CAAP1: variants seen among roughly 807,000 people sequenced by gnomAD.
CAAP1 encodes the protein caspase activity and apoptosis inhibitor 1, also known as conserved anti-apoptotic protein.
Under a neutral mutation model 34.0 loss-of-function variants are expected in CAAP1, and 20 were observed. The observed-to-expected ratio is 0.59, with a 90% CI of 0.41 to 0.86. CAAP1 has a LOEUF of 0.86. Ranked by LOEUF, CAAP1 falls within the 40% of genes least tolerant of loss-of-function variation. The probability of loss-of-function intolerance (pLI) is 0.00; values close to 1 mark genes in which losing one functional copy is unlikely to be tolerated. For synonymous variants in CAAP1, 213 were observed against 166.7 expected, an observed-to-expected ratio of 1.28 and a Z score of -2.14; for missense variants, 538 against 450.5, an observed-to-expected ratio of 1.19 and a Z score of -1.76.
chr9:26,885,448 T>C (rs1490409371), intron 3 of CAAP1, among the ~76,000 whole-genome samples: 1 of 152,216 alleles, frequency 6.6e-6, no homozygotes, highest in Non-Finnish European at 1.5e-5. Context: ...ACACACTATG[T>C]ACATATGTAT....
At chr9:26,872,553 A>ATATATATATATATATATATATATAT (rs560375272) in intron 4 of CAAP1, among the ~76,000 whole-genome samples, 20 of 142,554 alleles carry the variant, frequency 1.4e-4, no homozygotes, top group African/African-American at 4.6e-4. Context: ...ATATACATAT[A>ATATATATATATATATATATATATAT]ATATATATAT....
In CAAP1 at chr9:26,868,225, G is replaced by A. The variant is rs1263285052; in HGVS notation, c.666-7086C>T. The stretch of plus-strand genomic sequence containing the variant: ...GTTACCTCATACGGCAAAAAACTTT[G>A]TGATTGTGATTAAGGATCTTGAAAT... On this transcript the variant is annotated intron_variant, in intron 4 of 5. Transcript: ENST00000333916. 5.0e-5 allele frequency among the ~76,000 whole-genome samples: 7 copies of A among 140,680 alleles called. No homozygotes were observed. In the Admixed American group the frequency reaches 5.1e-4, roughly 10 times the overall value. 92.3% of individuals were successfully genotyped at this position (140,680 alleles called of 152,430 possible). A position where few individuals can be genotyped will look rare whatever the true frequency, so the allele number is the denominator to read the frequency against.
chr9:26,886,064 A>G, intron 3 of CAAP1, 40 bp downstream of exon 3: 1 of 1,009,542 alleles, frequency 9.9e-7, no homozygotes, highest in South Asian at 1.7e-5. Context: ...ATATAGTATT[A>G]ACTAAGAAGT....
At chr9:26,854,398 AC>A (rs1822821319) in intron 5 of CAAP1, among the ~76,000 whole-genome samples, 1 of 152,226 alleles carries the variant, frequency 6.6e-6, no homozygotes, top group Non-Finnish European at 1.5e-5. Flanking sequence ...AAACCTATGC[AC>A]TTAAAACATT....
chr9:26,886,256 C>T, intron 2 of CAAP1, 68 bp from the exon 3 acceptor site: 2 of 742,866 alleles, frequency 2.7e-6, no homozygotes. Context: ...TGGAAAATTT[C>T]AATCATAAAA....
chr9:26,873,709 C>T (rs1425528072), intron 4 of CAAP1, among the ~76,000 whole-genome samples: 2 of 152,186 alleles, frequency 1.3e-5, no homozygotes, highest in African/African-American at 4.8e-5. Context: ...TACCTACTTA[C>T]TTAAAATTGT....
rs1472556497 is a variant in CAAP1 at position 26,842,481 on chromosome 9, C to T, written c.906G>A (p.Val302=). ...DDLEKDIEKS[V]NEILGLAESS... is the part of the protein sequence containing the mutation. The stretch of plus-strand genomic sequence containing the variant: ...ACTCTGCCAGTCCTAGAATCTCATT[C>T]ACACTTTTCTCAATGTCTTTCTCCA... Residue 302 remains valine (V), a synonymous_variant, in exon 6 of 6, where the codon GTG becomes GTA. Transcript: ENST00000333916. 6.2e-7 allele frequency: 1 copy of T among 1,614,186 alleles called. No individual in the cohort carries two copies. The highest frequency in any genetic ancestry group is 8.5e-7 in the Non-Finnish European group (1 of 1,180,040).
intron 1 of CAAP1, among the ~76,000 whole-genome samples, chr9:26,891,970 C>A (rs1314808343): frequency 6.6e-6 from 1 of 152,152 alleles, no homozygotes; most frequent in East Asian, 1.9e-4. Context: ...AACCTAGGAG[C>A]TATTAACAAA....
intron 4 of CAAP1, chr9:26,870,038 A>AATT: frequency 2.6e-5 from 15 of 570,792 alleles, no homozygotes; most frequent in South Asian, 8.3e-5. Context: ...AGAAAGAATA[A>AATT]CTTTTTTTTT....
chr9:26,885,443 C>T (rs1426553124), intron 3 of CAAP1, among the ~76,000 whole-genome samples: 1 of 152,116 alleles, frequency 6.6e-6, no homozygotes, highest in South Asian at 2.1e-4. Flanking sequence ...CACTTACACA[C>T]TATGTACATA....
rs775308641 is a variant in CAAP1, at chr9:26,842,556, G to A, written c.831C>T (p.Pro277=). ...EGPCNEEAAA[P]EAPENTVQSE... is the part of the protein sequence containing the mutation. Reference sequence around the variant, plus strand: ...TTTGGACTGTATTTTCTGGTGCCTCGGGAGCAGCTGCTTCTTCGTTGCATG... The same window carrying A: ...TTTGGACTGTATTTTCTGGTGCCTCAGGAGCAGCTGCTTCTTCGTTGCATG... The change falls in exon 6 of 6, where the codon CCC becomes CCT. Residue 277 remains proline (P), a synonymous_variant. Transcript: ENST00000333916. 22 of 1,613,946 alleles carry A rather than the reference G, an allele frequency of 1.4e-5. No homozygotes were observed. Among genetic ancestry groups the A allele is most frequent in the Admixed American group, 8.3e-5 (5 of 59,998 alleles).
chr9:26,875,909 G>A (rs1341858662), intron 4 of CAAP1, among the ~76,000 whole-genome samples: 3 of 152,008 alleles, frequency 2.0e-5, no homozygotes, highest in African/African-American at 7.2e-5. Flanking sequence ...ATTGCTCTAG[G>A]CAACCAATCT....
chr9:26,845,384 C>T (rs1822575384), intron 5 of CAAP1, among the ~76,000 whole-genome samples: 1 of 152,014 alleles, frequency 6.6e-6, no homozygotes, highest in Non-Finnish European at 1.5e-5. Context: ...ACATGATCTC[C>T]CAGCACTGCT....
At chr9:26,845,526 C>T (rs1451336508) in intron 5 of CAAP1, among the ~76,000 whole-genome samples, 3 of 152,152 alleles carry the variant, frequency 2.0e-5, no homozygotes, top group African/African-American at 4.8e-5. Context: ...CAAGCACGTG[C>T]CACCACACCC....
intron 4 of CAAP1, among the ~76,000 whole-genome samples, chr9:26,883,097 G>A (rs754669416): frequency 2.0e-5 from 3 of 152,116 alleles, no homozygotes; most frequent in South Asian, 4.1e-4. Flanking sequence ...GTAGACTTTT[G>A]AGTTAATGCT....
At chr9:26,882,708 C>T (rs933545758) in intron 4 of CAAP1, among the ~76,000 whole-genome samples, 1 of 152,162 alleles carries the variant, frequency 6.6e-6, no homozygotes, top group Non-Finnish European at 1.5e-5. Context: ...TGACAACTTG[C>T]ACCGTGCACC....
chr9:26,886,018 C>T, intron 3 of CAAP1, 86 bp downstream of exon 3: 1 of 547,568 alleles, frequency 1.8e-6, no homozygotes, highest in Non-Finnish European at 3.1e-6. Flanking sequence ...ATTAAATATC[C>T]AAGTAGGAGA....
intron 5 of CAAP1, among the ~76,000 whole-genome samples, chr9:26,853,903 C>T (rs193011756): frequency 6.6e-6 from 1 of 152,118 alleles, no homozygotes; most frequent in Non-Finnish European, 1.5e-5. Flanking sequence ...ACATATTTAT[C>T]TTTCTATCCC....
At chr9:26,877,888 T>C (rs192466526) in intron 4 of CAAP1, among the ~76,000 whole-genome samples, 5,851 of 150,198 alleles carry the variant, frequency 0.039, 130 homozygotes, top group Middle Eastern at 0.07. Context: ...ATTTCCTATA[T>C]TATTAAATTA....
Sources: allele counts gnomAD v4.1 joint callset (sites outside exome capture counted in the v4.1 genomes callset), GRCh38; gene constraint gnomAD v4.1.1; transcripts MANE v1.5; gene names NCBI Gene and HGNC (gene_info 2026-07-23, HGNC 2026-07-21).